MMP16: variants seen among roughly 807,000 people sequenced by gnomAD.
The protein encoded by MMP16 is matrix metallopeptidase 16.
MMP16 carries 12 observed loss-of-function variants against 67.8 expected under a neutral mutation model. The ratio of observed to expected loss-of-function variants is 0.18; its 90% CI spans 0.11 to 0.29. The LOEUF is 0.29. Among genes scored for constraint, MMP16 ranks in the 10% least tolerant of loss-of-function variants. The probability of loss-of-function intolerance (pLI) is 1.00; values close to 1 mark genes in which losing one functional copy is unlikely to be tolerated. For synonymous variants in MMP16, 249 were observed against 255.9 expected (o/e 0.97, Z 0.26); for missense variants, 475 against 765.7 (o/e 0.62, Z 4.48).
chr8:88,289,351 A>G (rs1810884533), intron 1 of MMP16, among the ~76,000 whole-genome samples: 1 of 152,198 alleles, frequency 6.6e-6, no homozygotes, highest in Non-Finnish European at 1.5e-5. Context: ...AGAAAAAGGA[A>G]CATTTTAAAG....
At chr8:88,075,250 G>T (rs1400605883) in intron 6 of MMP16, among the ~76,000 whole-genome samples, 1 of 151,884 alleles carries the variant, frequency 6.6e-6, no homozygotes, top group African/African-American at 2.4e-5. Context: ...TGTATTTTTG[G>T]CTGATAACTT....
intron 1 of MMP16, among the ~76,000 whole-genome samples, chr8:88,306,415 C>T (rs1056231249): frequency 1.3e-5 from 2 of 152,120 alleles, no homozygotes; most frequent in African/African-American, 4.8e-5. Context: ...AGGAGGGACA[C>T]TTTCCTAGCT....
chr8:88,304,037 C>CT (rs35673132), intron 1 of MMP16, among the ~76,000 whole-genome samples: 18,629 of 152,128 alleles, frequency 0.12, 1,247 homozygotes, highest in Non-Finnish European at 0.14. Flanking sequence ...TGAAAAGAAA[C>CT]TAAGAATCAT....
intron 4 of MMP16, among the ~76,000 whole-genome samples, chr8:88,139,324 T>C (rs908444413): frequency 1.3e-5 from 2 of 152,102 alleles, no homozygotes; most frequent in African/African-American, 4.8e-5. Flanking sequence ...AAACAATTTA[T>C]GATAGGTCAT....
chr8:88,132,903 C>A (rs1808055849), intron 4 of MMP16, among the ~76,000 whole-genome samples: 1 of 151,814 alleles, frequency 6.6e-6, no homozygotes, highest in Admixed American at 6.6e-5. Flanking sequence ...TGTTTGCACT[C>A]ATTGTAATAT....
chr8:88,117,341 A>G (rs926200442), intron 5 of MMP16, among the ~76,000 whole-genome samples: 1 of 152,140 alleles, frequency 6.6e-6, no homozygotes, highest in Non-Finnish European at 1.5e-5. Flanking sequence ...GTGAAGAAGT[A>G]TTTCTCAAAA....
intron 9 of MMP16, among the ~76,000 whole-genome samples, chr8:88,043,119 A>G (rs190598419): frequency 6.6e-6 from 1 of 152,272 alleles, no homozygotes; most frequent in African/African-American, 2.4e-5. Flanking sequence ...ATCCTCACAA[A>G]TACTCTATCA....
At chr8:88,227,896 A>T (rs1235855289) in intron 1 of MMP16, among the ~76,000 whole-genome samples, 1 of 152,048 alleles carries the variant, frequency 6.6e-6, no homozygotes, top group East Asian at 1.9e-4. Flanking sequence ...AGTCATATTT[A>T]AAAAAATATA....
At chr8:88,071,112 G>T (rs1339062116) in intron 7 of MMP16, among the ~76,000 whole-genome samples, 3 of 151,872 alleles carry the variant, frequency 2.0e-5, no homozygotes, top group Non-Finnish European at 4.4e-5. Flanking sequence ...ATATAATTTT[G>T]CCCTAGTTCA....
At chr8:88,047,028 T>G (rs1412736960) in intron 8 of MMP16, among the ~76,000 whole-genome samples, 1 of 152,184 alleles carries the variant, frequency 6.6e-6, no homozygotes, top group Non-Finnish European at 1.5e-5. Flanking sequence ...ATGGGCATCT[T>G]ATTGTCCATA....
At chr8:88,088,565 T>C (rs542129511) in intron 6 of MMP16, among the ~76,000 whole-genome samples, 1 of 152,000 alleles carries the variant, frequency 6.6e-6, no homozygotes, top group Non-Finnish European at 1.5e-5. Flanking sequence ...CCTAAGTGAC[T>C]TTGTTTTGGA....
chr8:88,162,404 G>T (rs1482133469), intron 4 of MMP16, among the ~76,000 whole-genome samples: 1 of 152,004 alleles, frequency 6.6e-6, no homozygotes, highest in African/African-American at 2.4e-5. Context: ...ATTATTGAGA[G>T]AGTTCGTTCT....
At chr8:88,149,294 G>C (rs911264962) in intron 4 of MMP16, among the ~76,000 whole-genome samples, 1 of 152,310 alleles carries the variant, frequency 6.6e-6, no homozygotes, top group Non-Finnish European at 1.5e-5. Flanking sequence ...AGGGGCGCCC[G>C]CCATTGCCCA....
intron 2 of MMP16, among the ~76,000 whole-genome samples, chr8:88,194,095 G>A (rs1809213177): frequency 6.6e-6 from 1 of 151,528 alleles, no homozygotes; most frequent in African/African-American, 2.4e-5. Context: ...TGACATTTAA[G>A]GTAATACCTT....
At chr8:88,306,110 C>T (rs1213798630) in intron 1 of MMP16, among the ~76,000 whole-genome samples, 1 of 151,718 alleles carries the variant, frequency 6.6e-6, no homozygotes, top group East Asian at 1.9e-4. Flanking sequence ...GGGATGTCAC[C>T]ATTGACCCCA....
At chr8:88,142,040 C>A (rs1458159058) in intron 4 of MMP16, among the ~76,000 whole-genome samples, 1 of 151,882 alleles carries the variant, frequency 6.6e-6, no homozygotes, top group Non-Finnish European at 1.5e-5. Context: ...GTCTCAGCCT[C>A]CCAAGTAGCT....
chr8:88,115,134 T>C (rs1266376261), intron 6 of MMP16, among the ~76,000 whole-genome samples: 1 of 152,054 alleles, frequency 6.6e-6, no homozygotes, highest in African/African-American at 2.4e-5. Context: ...GTTGATGTTT[T>C]GGTGTTATTA....
At chr8:88,122,165 T>C (rs1807850870) in intron 4 of MMP16, among the ~76,000 whole-genome samples, 1 of 152,102 alleles carries the variant, frequency 6.6e-6, no homozygotes, top group South Asian at 2.1e-4. Context: ...TTATCAAATA[T>C]GTATGTTTCA....
intron 1 of MMP16, among the ~76,000 whole-genome samples, chr8:88,210,495 C>T (rs1180902842): frequency 6.6e-6 from 1 of 152,144 alleles, no homozygotes. Context: ...TTGCCATTTT[C>T]TGCCTACTGG....
Sources: allele counts gnomAD v4.1 joint callset (sites outside exome capture counted in the v4.1 genomes callset), GRCh38; gene constraint gnomAD v4.1.1; transcripts MANE v1.5; gene names NCBI Gene and HGNC (gene_info 2026-07-23, HGNC 2026-07-21).